FANK1: variants seen among roughly 807,000 people sequenced by gnomAD.
The protein encoded by FANK1 is fibronectin type 3 and ankyrin repeat domains protein 1.
Under a neutral mutation model 45.3 loss-of-function variants are expected in FANK1, and 44 were observed. The ratio of observed to expected loss-of-function variants is 0.97; its 90% CI spans 0.76 to 1.25. The LOEUF (loss-of-function observed/expected upper bound fraction) is 1.25, where lower values mean the gene tolerates loss of function less well. FANK1 is among the 50% of genes most tolerant of loss of function. The probability of loss-of-function intolerance (pLI) is 0.00; values close to 1 mark genes in which losing one functional copy is unlikely to be tolerated. For missense variants in FANK1, 391 were observed against 424.4 expected (o/e 0.92, Z 0.69); for synonymous variants, 149 against 152.5 (o/e 0.98, Z 0.17).
intron 1 of FANK1, among the ~76,000 whole-genome samples, chr10:125,912,760 C>G (rs1946129420): frequency 6.6e-6 from 1 of 152,180 alleles, no homozygotes; most frequent in Non-Finnish European, 1.5e-5. Context: ...GCCTCAGCCT[C>G]CCGAGTAGCT....
chr10:125,974,237 G>A (rs1950707108), intron 1 of FANK1, among the ~76,000 whole-genome samples: 2 of 152,164 alleles, frequency 1.3e-5, no homozygotes, highest in Admixed American at 1.3e-4. Flanking sequence ...TTCGTGTAAG[G>A]GAAATTGTTG....
chr10:125,973,981 A>T (rs1413210572), intron 1 of FANK1, among the ~76,000 whole-genome samples: 1 of 152,236 alleles, frequency 6.6e-6, no homozygotes, highest in Non-Finnish European at 1.5e-5. Flanking sequence ...GCAGGTGTAT[A>T]CAAAACTCAT....
rs548360900 is a variant in FANK1, at chr10:125,945,965, G to A, written c.14-34196G>A. ...ACCACTGACCCCTGACCCCCGAGCA[G>A]CCTAACTGGGAGGCACCCCGCAGCA... is the stretch of plus-strand genomic sequence containing the variant. On this transcript the variant is annotated intron_variant, in intron 1 of 10. Transcript: ENST00000368693. 2.0e-5 allele frequency among the ~76,000 whole-genome samples: 3 copies of A among 152,330 alleles called. No homozygotes were observed. In the East Asian group the frequency reaches 5.8e-4, roughly 29 times the overall value.
In FANK1 at chr10:125,983,339, A is replaced by G. The variant is rs959572651; in HGVS notation, c.191+3001A>G. On this transcript the variant is annotated intron_variant, in intron 2 of 10. Coordinates refer to ENST00000368693, the MANE Select transcript of FANK1 (RefSeq NM_145235.5). The surrounding 1 kb of genome is among the most constrained non-coding windows in gnomAD (Gnocchi z 4.3). Reference sequence around the variant, plus strand: ...CATTCCATTTATTCCATCAGCGTGTATTATTGAGTGTCTGCCGTGTGTCAG... The same window carrying G: ...CATTCCATTTATTCCATCAGCGTGTGTTATTGAGTGTCTGCCGTGTGTCAG... Among the ~76,000 whole-genome samples, 1 of 152,090 alleles carries G rather than the reference A, an allele frequency of 6.6e-6. No homozygotes were observed. The highest frequency in any genetic ancestry group is 2.4e-5 in the African/African-American group (1 of 41,388).
intron 1 of FANK1, among the ~76,000 whole-genome samples, chr10:125,926,926 G>A (rs61870912): frequency 2.9e-3 from 407 of 139,196 alleles, no homozygotes; most frequent in Non-Finnish European, 3.4e-3. Flanking sequence ...GATCATGAAC[G>A]TACAACTCAA....
chr10:125,969,621 T>C (rs1418133063), intron 1 of FANK1, among the ~76,000 whole-genome samples: 1 of 152,168 alleles, frequency 6.6e-6, no homozygotes, highest in Non-Finnish European at 1.5e-5. Flanking sequence ...AATTTTTCTT[T>C]TTTTTTAAAT....
intron 1 of FANK1, among the ~76,000 whole-genome samples, chr10:125,934,357 C>T (rs1241192920): frequency 6.6e-6 from 1 of 152,050 alleles, no homozygotes; most frequent in Non-Finnish European, 1.5e-5. Flanking sequence ...TCCCTAAACA[C>T]GTATTATTAT....
rs145182884 is a variant in FANK1 at position 125,934,724 on chromosome 10, G to GT, written c.13+38106dup. On this transcript the variant is annotated intron_variant, in intron 1 of 10. Transcript: ENST00000368693. ...AGTTCCCACCACCTGTACCCCTACC[G>GT]TTTTTTTTTTTTTTTTTTTTTTTTT... is the stretch of plus-strand genomic sequence containing the variant. Among the ~76,000 whole-genome samples, 18 of 26,456 alleles carry GT rather than the reference G, an allele frequency of 6.8e-4. 3 individuals carry two copies. The highest frequency in any genetic ancestry group is 7.3e-4 in the Non-Finnish European group (10 of 13,640). The allele number at this position is 26,456 out of a possible 152,430, so 17.4% of individuals were successfully genotyped here. A position where few individuals can be genotyped will look rare whatever the true frequency, so the allele number is the denominator to read the frequency against.
intron 3 of FANK1, among the ~76,000 whole-genome samples, chr10:125,994,081 G>C (rs1404865830): frequency 6.6e-6 from 1 of 152,048 alleles, no homozygotes; most frequent in Non-Finnish European, 1.5e-5. Flanking sequence ...AGCAGGAAGA[G>C]GGAGGCCAGC....
At chr10:125,954,792 C>T (rs972588713) in intron 1 of FANK1, among the ~76,000 whole-genome samples, 17 of 152,024 alleles carry the variant, frequency 1.1e-4, no homozygotes, top group African/African-American at 3.9e-4. Flanking sequence ...CAGTGGTGCA[C>T]GCCTGTAGTC....
intron 1 of FANK1, among the ~76,000 whole-genome samples, chr10:125,956,324 AG>A: frequency 6.6e-6 from 1 of 152,186 alleles, no homozygotes; most frequent in Non-Finnish European, 1.5e-5. Context: ...AAAAAATCAA[AG>A]GCTGTCTTAA....
intron 7 of FANK1, among the ~76,000 whole-genome samples, chr10:126,007,803 T>TTTC: frequency 6.6e-6 from 1 of 152,356 alleles, no homozygotes; most frequent in Middle Eastern, 3.4e-3. Context: ...ATATTTACAT[T>TTTC]TTCTTAATCT....
chr10:125,929,674 G>A (rs900157664), intron 1 of FANK1, among the ~76,000 whole-genome samples: 1 of 152,146 alleles, frequency 6.6e-6, no homozygotes, highest in Non-Finnish European at 1.5e-5. Context: ...ACAGTGGAGC[G>A]TGTGCAGGTT....
intron 1 of FANK1, 73 bp from the exon 2 acceptor site, chr10:125,980,088 T>G: frequency 6.7e-7 from 1 of 1,488,832 alleles, no homozygotes; most frequent in South Asian, 1.3e-5. Context: ...ACCAAGCAGC[T>G]GTAATCCACT....
chr10:125,989,436 T>C (rs2134211595), intron 3 of FANK1: 1 of 1,404,752 alleles, frequency 7.1e-7, no homozygotes, highest in East Asian at 2.5e-5. Flanking sequence ...CCAGGTAGCA[T>C]TTGGCTTGGA....
At chr10:125,930,392 A>C (rs1947670064) in intron 1 of FANK1, among the ~76,000 whole-genome samples, 1 of 151,956 alleles carries the variant, frequency 6.6e-6, no homozygotes, top group Non-Finnish European at 1.5e-5. Flanking sequence ...GCTGGAGTGC[A>C]GTGGCATGAT....
chr10:125,903,814 C>A (rs146322464), intron 1 of FANK1, among the ~76,000 whole-genome samples: 2,189 of 152,012 alleles, frequency 0.014, 23 homozygotes, highest in Non-Finnish European at 0.017. Context: ...GCCTCTCTCT[C>A]TCTATATATA....
chr10:126,008,451 A>G lies in FANK1; in HGVS notation c.750A>G (p.Arg250=), dbSNP rs1371279232. Residue 250 remains arginine (R), a synonymous_variant, in exon 8 of 11, where the codon AGA becomes AGG. Coordinates refer to ENST00000368693, the MANE Select transcript of FANK1 (RefSeq NM_145235.5). ...DTGSGWTPLM[R]VSAVSGNQRV... ...GTTCAGGATGGACCCCACTCATGAG[A>G]GTCTCTGCGGTGTCGGGAAATCAGA... 4.3e-6 allele frequency: 7 copies of G among 1,613,188 alleles called. No homozygotes were observed. Among genetic ancestry groups the G allele is most frequent in the Admixed American group, 1.7e-5 (1 of 59,916 alleles).
chr10:125,973,267 T>C, intron 1 of FANK1: 1 of 174,610 alleles, frequency 5.7e-6, no homozygotes. Context: ...TTCTGATCTC[T>C]AGTAGGATTC....
Sources: allele counts gnomAD v4.1 joint callset (sites outside exome capture counted in the v4.1 genomes callset), GRCh38; gene constraint gnomAD v4.1.1; non-coding constraint Gnocchi (gnomAD v3.1); transcripts MANE v1.5; gene names NCBI Gene and HGNC (gene_info 2026-07-23, HGNC 2026-07-21).